MYO9B: variants seen among roughly 807,000 people sequenced by gnomAD.
MYO9B encodes the protein myosin IXB.
MYO9B carries 71 observed loss-of-function variants against 229.5 expected under a neutral mutation model. The observed-to-expected ratio is 0.31, with a 90% confidence interval of 0.26 to 0.38. MYO9B has a LOEUF of 0.38. MYO9B is among the 10% of genes least tolerant of loss of function. The pLI is 1.00. For synonymous variants in MYO9B, 1,185 were observed against 1,235.8 expected (o/e 0.96, Z 0.86); for missense variants, 2,255 against 2,920.5 (o/e 0.77, Z 5.25).
At chr19:17,182,079 T>C (rs2072867998) in intron 15 of MYO9B, among the ~76,000 whole-genome samples, 1 of 151,546 alleles carries the variant, frequency 6.6e-6, no homozygotes, top group African/African-American at 2.4e-5. Context: ...CCTTTTTTTT[T>C]TTTTTCTTTT....
chr19:17,155,250 A>C (rs1321924349), intron 6 of MYO9B, among the ~76,000 whole-genome samples: 2 of 151,678 alleles, frequency 1.3e-5, no homozygotes, highest in Non-Finnish European at 2.9e-5. Context: ...TGAAGTGGCG[A>C]GATCATGGCT....
At position 17,162,364 on chromosome 19, in the gene MYO9B, C is replaced by A. The variant is rs375899015; in HGVS notation, c.1434C>A (p.Arg478=). ...PYSLSEAITA[R]DSMAKSLYSA... ...TGTGTCCACAGGCCATCACTGCCCG[C>A]GACTCCATGGCCAAGTCTCTGTACA... The change falls in exon 9 of 40, where the codon CGC becomes CGA. Residue 478 remains arginine, a synonymous_variant. Coordinates refer to ENST00000682292, the MANE Select transcript of MYO9B (RefSeq NM_004145.4). The A allele has an allele frequency of 1.9e-6, 3 of 1,578,734 alleles. No individual in the cohort carries two copies. Among genetic ancestry groups the A allele is most frequent in the East Asian group, 2.3e-5 (1 of 42,754 alleles).
intron 1 of MYO9B, among the ~76,000 whole-genome samples, chr19:17,093,539 C>T (rs1468336915): frequency 3.3e-5 from 5 of 152,140 alleles, no homozygotes; most frequent in African/African-American, 4.8e-5. Flanking sequence ...TTTAGATTTC[C>T]GACCATCTCC....
At chr19:17,143,696 G>GA (rs2072371114) in intron 2 of MYO9B, among the ~76,000 whole-genome samples, 1 of 151,766 alleles carries the variant, frequency 6.6e-6, no homozygotes, top group African/African-American at 2.4e-5. Flanking sequence ...GCCGGGGCGG[G>GA]CAGATCATGA....
intron 2 of MYO9B, among the ~76,000 whole-genome samples, chr19:17,145,143 G>C (rs1034213411): frequency 3.3e-5 from 5 of 151,958 alleles, no homozygotes; most frequent in Non-Finnish European, 5.9e-5. Flanking sequence ...CAGCATGGTA[G>C]CGCACATCTG....
chr19:17,196,148 GGGTGGGT>G (rs2073040147), intron 22 of MYO9B, among the ~76,000 whole-genome samples: 1 of 130,960 alleles, frequency 7.6e-6, no homozygotes, highest in African/African-American at 2.8e-5. Flanking sequence ...ATGTGTGGGT[GGGTGGGT>G]GGGTGGGTGG....
intron 3 of MYO9B, among the ~76,000 whole-genome samples, chr19:17,150,307 C>G (rs1389257137): frequency 6.6e-6 from 1 of 151,980 alleles, no homozygotes; most frequent in African/African-American, 2.4e-5. Flanking sequence ...ACTCGGGAAG[C>G]TGAGGCAGGA....
chr19:17,129,749 G>T (rs944128834), intron 2 of MYO9B, among the ~76,000 whole-genome samples: 2 of 152,206 alleles, frequency 1.3e-5, no homozygotes, highest in African/African-American at 4.8e-5. Flanking sequence ...CTCACCACAG[G>T]TCATGATATG....
chr19:17,181,637 C>A (rs2072862072), intron 15 of MYO9B, among the ~76,000 whole-genome samples: 1 of 152,250 alleles, frequency 6.6e-6, no homozygotes, highest in South Asian at 2.1e-4. Flanking sequence ...GACAAGACAT[C>A]CACCTGCGGT....
At chr19:17,138,928 T>C (rs1205911707) in intron 2 of MYO9B, among the ~76,000 whole-genome samples, 1 of 152,076 alleles carries the variant, frequency 6.6e-6, no homozygotes, top group East Asian at 1.9e-4. Context: ...TCTCAGCACT[T>C]TGGGAGGCCA....
chr19:17,200,600 T>G, intron 25 of MYO9B, 39 bp from the exon 26 acceptor site: 1 of 1,575,396 alleles, frequency 6.3e-7, no homozygotes, highest in Non-Finnish European at 8.6e-7. Flanking sequence ...ATCCTCCCCC[T>G]GAACCCACCC....
chr19:17,172,653 A>T lies in MYO9B; in HGVS notation c.1936-106A>T, dbSNP rs562429886. 1 of 1,489,278 alleles carries T rather than the reference A, an allele frequency of 6.7e-7. No homozygotes were observed. Among genetic ancestry groups the T allele is most frequent in the African/African-American group, 1.4e-5 (1 of 72,524 alleles). The allele number at this position is 1,489,278 out of a possible 1,614,324, so 92.3% of individuals were successfully genotyped here. ...TCAAGAACTGCCATTTGCACTTAGG[A>T]TGGGCCCCACCCCACCGTCAGCCCT... On this transcript the variant is annotated intron_variant, in intron 12 of 39. Transcript: ENST00000682292. The surrounding 1 kb of genome is among the most constrained non-coding windows in gnomAD (Gnocchi z 8.2).
chr19:17,079,703 T>C (rs1365268416), intron 1 of MYO9B, among the ~76,000 whole-genome samples: 1 of 152,134 alleles, frequency 6.6e-6, no homozygotes, highest in Non-Finnish European at 1.5e-5. Context: ...GAGGAGACGC[T>C]CTGGGGCCAC....
At chr19:17,180,869 G>T in intron 14 of MYO9B, 58 bp from the exon 15 acceptor site, 1 of 1,228,110 alleles carries the variant, frequency 8.1e-7, no homozygotes, top group Non-Finnish European at 1.2e-6. Flanking sequence ...GAGGTGGCAG[G>T]CCTGCTTCTA....
chr19:17,129,817 GT>G (rs1025864829), intron 2 of MYO9B, among the ~76,000 whole-genome samples: 5 of 151,832 alleles, frequency 3.3e-5, no homozygotes, highest in African/African-American at 1.2e-4. Flanking sequence ...TGGTTTTTTG[GT>G]TTGTTTGTTT....
rs1158112387 is a variant in MYO9B at position 17,206,086 on chromosome 19, G to A, written c.5191G>A (p.Glu1731Lys). Residue 1731 changes from glutamate (E) to lysine (K), a missense_variant, in exon 32 of 40, where the codon GAG becomes AAG. This residue lies in a region of MYO9B where 416 missense variants were observed against 605.5 expected (regional missense o/e 0.69). Transcript: ENST00000682292. ...EHVEMHGLYT[E>K]GLYRKSGAAN... ...CGTGGAGATGCACGGCCTGTACACC[G>A]AGGGCCTCTACCGCAAGTCGGGTGC... 2 of 1,608,354 alleles carry A rather than the reference G, an allele frequency of 1.2e-6. No individual in the cohort carries two copies. The highest frequency in any genetic ancestry group is 1.7e-6 in the Non-Finnish European group (2 of 1,176,070).
chr19:17,168,768 G>A (rs1014639236), intron 11 of MYO9B, among the ~76,000 whole-genome samples: 2 of 152,182 alleles, frequency 1.3e-5, no homozygotes, highest in Non-Finnish European at 2.9e-5. Flanking sequence ...CTGCACTCCA[G>A]CCTGGGCAAT....
chr19:17,080,880 A>G (rs2057528046), intron 1 of MYO9B, among the ~76,000 whole-genome samples: 1 of 152,104 alleles, frequency 6.6e-6, no homozygotes, highest in Admixed American at 6.6e-5. Flanking sequence ...TTAAAAAAAA[A>G]AAAAATCCCA....
intron 2 of MYO9B, among the ~76,000 whole-genome samples, chr19:17,110,390 G>A (rs545150917): frequency 3.9e-5 from 6 of 152,266 alleles, no homozygotes; most frequent in African/African-American, 9.6e-5. Flanking sequence ...GGCGCCCGTC[G>A]ACAGCCCAGG....
Sources: gnomAD v4.1 joint callset for allele counts (sites outside exome capture counted in the v4.1 genomes callset) on GRCh38, gnomAD v4.1.1 for gene constraint, gnomAD v4.1.1 regional missense constraint, Gnocchi (gnomAD v3.1) non-coding constraint, MANE v1.5 for transcripts, NCBI Gene and HGNC (gene_info 2026-07-23, HGNC 2026-07-21) for gene names.